STARD13: variants seen among roughly 807,000 people sequenced by gnomAD.
The protein encoded by STARD13 is StAR related lipid transfer domain containing 13, also known as stAR-related lipid transfer protein 13.
Under a neutral mutation model 106.4 loss-of-function variants are expected in STARD13, and 62 were observed. The ratio of observed to expected loss-of-function variants is 0.58; its 90% confidence interval spans 0.48 to 0.72. STARD13 has a LOEUF of 0.72. STARD13 is among the 30% of genes least tolerant of loss of function. The pLI is 0.00. For synonymous variants in STARD13, 565 were observed against 553.0 expected (o/e 1.02, Z -0.31); for missense variants, 1,387 against 1,424.0 (o/e 0.97, Z 0.42).
chr13:33,367,467 A>G, the STARD13 span, among the ~76,000 whole-genome samples: 1 of 152,186 alleles, frequency 6.6e-6, no homozygotes, highest in Non-Finnish European at 1.5e-5. Flanking sequence ...AAAAGATTAA[A>G]ACTATCACTT....
chr13:33,575,679 C>T, the STARD13 span, among the ~76,000 whole-genome samples: 2 of 152,106 alleles, frequency 1.3e-5, no homozygotes, highest in African/African-American at 2.4e-5. Context: ...AAAGCCAGGA[C>T]GCCACTCAGG....
the STARD13 span, among the ~76,000 whole-genome samples, chr13:33,499,610 CTTCTTCTTCTT>C: frequency 1.3e-4 from 10 of 74,996 alleles, no homozygotes; most frequent in East Asian, 1.5e-3. Context: ...CTTCTTTCTT[CTTCTTCTTCTT>C]CTTCTTCTTC....
chr13:33,495,908 A>C, the STARD13 span, among the ~76,000 whole-genome samples: 1 of 144,524 alleles, frequency 6.9e-6, no homozygotes, highest in East Asian at 2.0e-4. Context: ...TTATGTTATT[A>C]TATTATATAG....
the STARD13 span, among the ~76,000 whole-genome samples, chr13:33,375,834 C>T: frequency 6.6e-6 from 1 of 152,048 alleles, no homozygotes; most frequent in Admixed American, 6.6e-5. Flanking sequence ...CACAGCCAAC[C>T]ATATCAGCCC....
At chr13:33,619,384 A>C in the STARD13 span, among the ~76,000 whole-genome samples, 2 of 152,240 alleles carry the variant, frequency 1.3e-5, no homozygotes, top group Non-Finnish European at 2.9e-5. Flanking sequence ...GAATTTTTCC[A>C]TCATTGAACA....
chr13:33,665,036 A>C, the STARD13 span, among the ~76,000 whole-genome samples: 1 of 152,240 alleles, frequency 6.6e-6, no homozygotes, highest in Admixed American at 6.5e-5. Flanking sequence ...CAATGACGAG[A>C]ACGAAGGAGG....
At chr13:33,306,047 G>A (rs1187202574) in intron 1 of STARD13, among the ~76,000 whole-genome samples, 2 of 152,148 alleles carry the variant, frequency 1.3e-5, no homozygotes, top group African/African-American at 4.8e-5. Context: ...GAACAAAGCT[G>A]GAGACAGCAA....
the STARD13 span, among the ~76,000 whole-genome samples, chr13:33,392,864 C>T: frequency 6.6e-6 from 1 of 152,214 alleles, no homozygotes; most frequent in African/African-American, 2.4e-5. Context: ...TTTCAACTAA[C>T]TTCCATTTAA....
chr13:33,293,558 T>G (rs947474600), intron 1 of STARD13, among the ~76,000 whole-genome samples: 1 of 152,198 alleles, frequency 6.6e-6, no homozygotes, highest in African/African-American at 2.4e-5. Context: ...TGGTTAATAC[T>G]GAGTGTCAAC....
the STARD13 span, among the ~76,000 whole-genome samples, chr13:33,393,853 AATG>A: frequency 6.6e-6 from 1 of 152,210 alleles, no homozygotes; most frequent in Admixed American, 6.5e-5. Flanking sequence ...TCCTTATTAT[AATG>A]ATAACAAATG....
intron 8 of STARD13, among the ~76,000 whole-genome samples, chr13:33,113,792 A>G (rs1002921265): frequency 2.4e-4 from 36 of 152,190 alleles, no homozygotes; most frequent in Admixed American, 2.2e-3. Context: ...GGTTCCAACA[A>G]TATGAGGGGA....
the STARD13 span, among the ~76,000 whole-genome samples, chr13:33,592,403 T>C: frequency 3.9e-5 from 6 of 152,194 alleles, no homozygotes; most frequent in African/African-American, 1.4e-4. Context: ...CTGGAGGATC[T>C]GGGGTGCTAA....
chr13:33,403,576 G>T, the STARD13 span, among the ~76,000 whole-genome samples: 2 of 152,084 alleles, frequency 1.3e-5, no homozygotes, highest in Non-Finnish European at 2.9e-5. Context: ...GAAAAGAAAC[G>T]TAATAGGCTG....
chr13:33,110,563 C>T lies in STARD13; in HGVS notation c.2829+123G>A, dbSNP rs78952773. On this transcript the variant is annotated intron_variant, in intron 11 of 13. Coordinates refer to ENST00000336934, the MANE Select transcript of STARD13 (RefSeq NM_178006.4). ...CTGAGTTCTTTGAATGGTTCATGTG[C>T]CTTAACTGTCCGCGTGTGTGCCAAG... 19 of 785,810 alleles carry T rather than the reference C, an allele frequency of 2.4e-5. No homozygotes were observed. In the East Asian group the frequency reaches 4.7e-4, roughly 19 times the overall value. The allele number at this position is 785,810 out of a possible 1,614,324, so 48.7% of individuals were successfully genotyped here.
the STARD13 span, among the ~76,000 whole-genome samples, chr13:33,483,502 A>G: frequency 6.6e-6 from 1 of 152,202 alleles, no homozygotes; most frequent in Non-Finnish European, 1.5e-5. Context: ...TGACCCTCCC[A>G]GTCTTAAAAC....
At chr13:33,504,872 C>A in the STARD13 span, among the ~76,000 whole-genome samples, 1 of 152,162 alleles carries the variant, frequency 6.6e-6, no homozygotes, top group Non-Finnish European at 1.5e-5. Flanking sequence ...ATAAATTACA[C>A]CACGAAGATG....
At chr13:33,626,234 G>A in the STARD13 span, among the ~76,000 whole-genome samples, 1 of 152,174 alleles carries the variant, frequency 6.6e-6, no homozygotes, top group East Asian at 1.9e-4. Context: ...AGGAATGGGA[G>A]ATTAGTGTAA....
At chr13:33,288,647 C>T (rs1050834056), upstream of STARD13, among the ~76,000 whole-genome samples, 3 of 150,544 alleles carry the variant, frequency 2.0e-5, no homozygotes, top group Non-Finnish European at 4.4e-5. Context: ...TAGAATGAAG[C>T]CTCATTTTTT....
intron 1 of STARD13, among the ~76,000 whole-genome samples, chr13:33,225,887 G>A (rs1219410268): frequency 6.6e-6 from 1 of 152,160 alleles, no homozygotes; most frequent in Non-Finnish European, 1.5e-5. Flanking sequence ...ACTGAAGTGT[G>A]TCTCCTCCTC....
Sources: allele counts gnomAD v4.1 joint callset (sites outside exome capture counted in the v4.1 genomes callset), GRCh38; gene constraint gnomAD v4.1.1; transcripts MANE v1.5; gene names NCBI Gene and HGNC (gene_info 2026-07-23, HGNC 2026-07-21).